GRIA3: variants seen among roughly 807,000 people sequenced by gnomAD.
GRIA3 encodes glutamate ionotropic receptor AMPA type subunit 3.
Under a neutral mutation model 63.0 loss-of-function variants are expected in GRIA3, and 3 were observed. The observed-to-expected ratio is 0.05, with a 90% CI of 0.02 to 0.12. The LOEUF is 0.12. GRIA3 is among the 10% of genes least tolerant of loss of function. The pLI is 1.00. For missense variants in GRIA3, 347 were observed against 700.9 expected (o/e 0.50, Z 5.70); for synonymous variants, 274 against 257.9 (o/e 1.06, Z -0.60).
chrX:123,243,223 C>T (rs983639456), intron 2 of GRIA3, among the ~76,000 whole-genome samples: 3 of 112,339 alleles, frequency 2.7e-5, no homozygotes, highest in African/African-American at 9.7e-5. Context: ...TAAATCTACT[C>T]TTCATACAGC....
chrX:123,423,940 G>T (rs951394457), intron 11 of GRIA3, among the ~76,000 whole-genome samples: 2 of 111,646 alleles, frequency 1.8e-5, no homozygotes, highest in African/African-American at 6.5e-5. Context: ...TACGTATTTT[G>T]CAGTGCTTTT....
intron 2 of GRIA3, among the ~76,000 whole-genome samples, chrX:123,205,552 A>C (rs1569398440): frequency 1.8e-5 from 2 of 111,981 alleles, no homozygotes; most frequent in African/African-American, 6.5e-5. Context: ...CACTCCTAAA[A>C]GTAGATATAC....
At chrX:123,398,562 A>T in intron 6 of GRIA3, 74 bp from the exon 7 acceptor site, 1 of 855,149 alleles carries the variant, frequency 1.2e-6, no homozygotes, top group Non-Finnish European at 1.7e-6. Context: ...AAATGAATGA[A>T]AATTATAAGA....
intron 3 of GRIA3, among the ~76,000 whole-genome samples, chrX:123,306,094 T>C (rs936696314): frequency 4.5e-5 from 5 of 112,231 alleles, no homozygotes; most frequent in Non-Finnish European, 9.4e-5. Flanking sequence ...TTTTGAAAGA[T>C]GGAGCTTAAG....
At chrX:123,409,163 T>C (rs2045492501) in intron 10 of GRIA3, among the ~76,000 whole-genome samples, 1 of 112,045 alleles carries the variant, frequency 8.9e-6, no homozygotes, top group Admixed American at 9.5e-5. Context: ...AAATATTTCT[T>C]GCAGTGAACA....
At chrX:123,247,860 C>T (rs2044368048) in intron 2 of GRIA3, among the ~76,000 whole-genome samples, 1 of 111,106 alleles carries the variant, frequency 9.0e-6, no homozygotes, top group Admixed American at 9.5e-5. Flanking sequence ...TAACAGAGGG[C>T]AAAGTACACA....
chrX:123,385,247 G>A (rs1603126738), intron 5 of GRIA3, among the ~76,000 whole-genome samples: 1 of 112,017 alleles, frequency 8.9e-6, no homozygotes, highest in African/African-American at 3.2e-5. Flanking sequence ...ACCACTTATT[G>A]AATAGGGTAT....
intron 9 of GRIA3, 145 bp downstream of exon 9, chrX:123,403,664 T>C: frequency 1.9e-6 from 1 of 513,004 alleles, no homozygotes; most frequent in Non-Finnish European, 3.5e-6. Flanking sequence ...CAAAGTATCT[T>C]GCCATGATGA....
intron 3 of GRIA3, among the ~76,000 whole-genome samples, chrX:123,302,320 C>T (rs888448327): frequency 3.6e-5 from 4 of 111,800 alleles, no homozygotes; most frequent in Non-Finnish European, 7.6e-5. Context: ...ACCTCAGTTT[C>T]CAATATATGT....
chrX:123,457,462 T>C (rs554951054), intron 12 of GRIA3, among the ~76,000 whole-genome samples: 25 of 111,694 alleles, frequency 2.2e-4, no homozygotes, highest in East Asian at 2.0e-3. Context: ...ATGATGGAAA[T>C]GGACAACATA....
At chrX:123,265,277 C>T (rs1383829450) in intron 3 of GRIA3, among the ~76,000 whole-genome samples, 1 of 111,946 alleles carries the variant, frequency 8.9e-6, no homozygotes, top group Non-Finnish European at 1.9e-5. Context: ...CCCACCTGTA[C>T]AGTTGAAAAT....
intron 12 of GRIA3, among the ~76,000 whole-genome samples, chrX:123,463,561 AGG>A (rs2045805867): frequency 3.5e-5 from 1 of 28,913 alleles, no homozygotes; most frequent in Non-Finnish European, 5.5e-5. Context: ...GAAGGAAGGA[AGG>A]AAGGAAGGAA....
chrX:123,446,239 G>A (rs2045702458), intron 12 of GRIA3, among the ~76,000 whole-genome samples: 1 of 112,191 alleles, frequency 8.9e-6, no homozygotes, highest in Non-Finnish European at 1.9e-5. Flanking sequence ...GTTTAAATTT[G>A]TAACGTTATT....
chrX:123,197,855 G>A (rs952758199), intron 2 of GRIA3, among the ~76,000 whole-genome samples: 11 of 112,039 alleles, frequency 9.8e-5, no homozygotes, highest in Admixed American at 8.5e-4. Flanking sequence ...GTTATAAAGT[G>A]GTGATAGTAA....
At chrX:123,253,174 G>C in intron 2 of GRIA3, 129 bp from the exon 3 acceptor site, 1 of 706,739 alleles carries the variant, frequency 1.4e-6, no homozygotes, top group Non-Finnish European at 2.2e-6. Flanking sequence ...TGGGTAACTG[G>C]GTTTTCAGGG....
intron 5 of GRIA3, among the ~76,000 whole-genome samples, chrX:123,356,742 A>T (rs1366500364): frequency 3.6e-5 from 4 of 111,723 alleles, no homozygotes; most frequent in African/African-American, 1.3e-4. Context: ...TGGGGATCAG[A>T]AAGTTTGGGT....
At chrX:123,203,421 G>C (rs1361653203) in intron 2 of GRIA3, among the ~76,000 whole-genome samples, 1 of 111,818 alleles carries the variant, frequency 8.9e-6, no homozygotes, top group Non-Finnish European at 1.9e-5. Context: ...AATTAGAGTA[G>C]GTGATTTCCA....
At chrX:123,266,707 C>A (rs186894546) in intron 3 of GRIA3, among the ~76,000 whole-genome samples, 36 of 111,608 alleles carry the variant, frequency 3.2e-4, no homozygotes, top group African/African-American at 7.5e-4. Context: ...AAACTCCAAC[C>A]CACTTTCCTA....
chrX:123,202,102 G>A (rs988179576), intron 2 of GRIA3, among the ~76,000 whole-genome samples: 9 of 112,619 alleles, frequency 8.0e-5, no homozygotes, highest in Non-Finnish European at 1.3e-4. Context: ...ATTGATTACA[G>A]TCAGAGGACT....
Sources: allele counts gnomAD v4.1 joint callset (sites outside exome capture counted in the v4.1 genomes callset), GRCh38; gene constraint gnomAD v4.1.1; transcripts MANE v1.5; gene names NCBI Gene and HGNC (gene_info 2026-07-23, HGNC 2026-07-21).